Variants in SLC24A3 observed in about 807,000 individuals in gnomAD.
SLC24A3 encodes the protein sodium/potassium/calcium exchanger 3.
In SLC24A3, 28 loss-of-function variants were observed where a neutral mutation model predicts 75.8. The observed-to-expected ratio is 0.37, with a 90% CI of 0.27 to 0.51. SLC24A3 has a LOEUF of 0.51. SLC24A3 is among the 20% of genes least tolerant of loss of function. SLC24A3 has a pLI of 0.94. For missense variants in SLC24A3, 663 were observed against 847.8 expected, an observed-to-expected ratio of 0.78 and a Z score of 2.71; for synonymous variants, 372 against 334.1, an observed-to-expected ratio of 1.11 and a Z score of -1.24.
chr20:19,316,212 A>G (rs77613822), intron 2 of SLC24A3, among the ~76,000 whole-genome samples: 1 of 152,232 alleles, frequency 6.6e-6, no homozygotes, highest in African/African-American at 2.4e-5. Flanking sequence ...AAATCCCAAG[A>G]TGAACCATCA....
intron 2 of SLC24A3, among the ~76,000 whole-genome samples, chr20:19,366,553 C>G (rs1270124321): frequency 6.6e-6 from 1 of 152,156 alleles, no homozygotes; most frequent in African/African-American, 2.4e-5. Flanking sequence ...ACATGTTTTT[C>G]TGTCCCCGAA....
chr20:19,430,893 T>C (rs1987090510), intron 2 of SLC24A3, among the ~76,000 whole-genome samples: 1 of 152,100 alleles, frequency 6.6e-6, no homozygotes, highest in Non-Finnish European at 1.5e-5. Flanking sequence ...CACACCCTAC[T>C]CCATCCTGCC....
chr20:19,508,899 A>G (rs1456952347), intron 2 of SLC24A3, among the ~76,000 whole-genome samples: 1 of 152,258 alleles, frequency 6.6e-6, no homozygotes, highest in Non-Finnish European at 1.5e-5. Context: ...ACCTGCCTAG[A>G]GGCACATGCA....
chr20:19,322,852 G>A (rs568204519), intron 2 of SLC24A3, among the ~76,000 whole-genome samples: 15 of 152,182 alleles, frequency 9.9e-5, no homozygotes, highest in African/African-American at 2.2e-4. Context: ...GCAAAAAGAC[G>A]GTAGACATAA....
At chr20:19,567,985 C>CA (rs1345921701) in intron 3 of SLC24A3, among the ~76,000 whole-genome samples, 5 of 150,768 alleles carry the variant, frequency 3.3e-5, no homozygotes, top group African/African-American at 1.2e-4. Flanking sequence ...CTTGAATAGA[C>CA]TTTTCTGCAA....
At chr20:19,617,806 G>A (rs1355721266) in intron 6 of SLC24A3, among the ~76,000 whole-genome samples, 1 of 152,090 alleles carries the variant, frequency 6.6e-6, no homozygotes, top group Non-Finnish European at 1.5e-5. Context: ...AAAAAGAATA[G>A]TGGTGTCCCA....
intron 2 of SLC24A3, among the ~76,000 whole-genome samples, chr20:19,434,590 A>G (rs1987163498): frequency 6.6e-6 from 1 of 152,212 alleles, no homozygotes; most frequent in South Asian, 2.1e-4. Flanking sequence ...AAAGAAACAA[A>G]TAATACCTAC....
intron 2 of SLC24A3, among the ~76,000 whole-genome samples, chr20:19,333,050 C>T (rs1390354007): frequency 1.3e-5 from 2 of 152,142 alleles, no homozygotes; most frequent in African/African-American, 4.8e-5. Context: ...GTGGGATCAT[C>T]CTGCCAGAAA....
intron 3 of SLC24A3, among the ~76,000 whole-genome samples, chr20:19,551,411 T>A (rs1338965382): frequency 6.6e-6 from 1 of 152,126 alleles, no homozygotes; most frequent in Non-Finnish European, 1.5e-5. Context: ...GAAGCAGGTA[T>A]TAAAAAGATC....
At chr20:19,607,837 G>A (rs767626244) in intron 6 of SLC24A3, among the ~76,000 whole-genome samples, 50 of 152,190 alleles carry the variant, frequency 3.3e-4, no homozygotes, top group Non-Finnish European at 5.0e-4. Flanking sequence ...CCACTCTGAC[G>A]TTGCCTCTTG....
intron 6 of SLC24A3, among the ~76,000 whole-genome samples, chr20:19,612,607 A>ATGTGTGTGT (rs144660193): frequency 1.4e-5 from 2 of 146,832 alleles, no homozygotes; most frequent in Admixed American, 6.8e-5. Flanking sequence ...CCTTAAGAAA[A>ATGTGTGTGT]GTGTGTGTGT....
intron 3 of SLC24A3, among the ~76,000 whole-genome samples, chr20:19,534,227 GT>G (rs1220500756): frequency 1.3e-5 from 2 of 152,220 alleles, no homozygotes; most frequent in Non-Finnish European, 2.9e-5. Flanking sequence ...GCCAGCACTG[GT>G]TTTATTACAG....
intron 3 of SLC24A3, among the ~76,000 whole-genome samples, chr20:19,579,026 T>C (rs1381343164): frequency 6.6e-6 from 1 of 152,158 alleles, no homozygotes; most frequent in Admixed American, 6.5e-5. Flanking sequence ...TCCTGCTCTC[T>C]AATTGGGCCA....
At position 19,277,852 on chromosome 20, in the gene SLC24A3, T is replaced by C. The variant is rs145066030; in HGVS notation, c.143-3107T>C. 8.3e-4 allele frequency among the ~76,000 whole-genome samples: 126 copies of C among 152,348 alleles called. 3 individuals are homozygous for C. In the East Asian group the frequency reaches 0.022, roughly 27 times the overall value. On this transcript the variant is annotated intron_variant, in intron 1 of 16. Transcript: ENST00000328041. The stretch of plus-strand genomic sequence containing the variant: ...GCATATGAAGGAACTTTGGAAGTCA[T>C]TGGAAGGGATACTCCTGCTTCTTTT...
chr20:19,213,941 A>T (rs1440801843), intron 1 of SLC24A3, among the ~76,000 whole-genome samples: 1 of 152,098 alleles, frequency 6.6e-6, no homozygotes, highest in Non-Finnish European at 1.5e-5. Context: ...AGAAAGAAAC[A>T]AAACAAAACA....
intron 6 of SLC24A3, among the ~76,000 whole-genome samples, chr20:19,620,802 TTGCAGTC>T (rs1334665290): frequency 6.6e-6 from 1 of 152,150 alleles, no homozygotes; most frequent in Admixed American, 6.5e-5. Flanking sequence ...CTGGCCTCAT[TTGCAGTC>T]TGCCTTGCAA....
chr20:19,705,713 A>C (rs1177617297), intron 15 of SLC24A3, among the ~76,000 whole-genome samples: 1 of 152,066 alleles, frequency 6.6e-6, no homozygotes, highest in Non-Finnish European at 1.5e-5. Flanking sequence ...CAATTTTTTC[A>C]TCTCATCTAG....
chr20:19,626,261 C>T (rs1372724360), intron 6 of SLC24A3, among the ~76,000 whole-genome samples: 1 of 152,120 alleles, frequency 6.6e-6, no homozygotes, highest in Non-Finnish European at 1.5e-5. Context: ...TTATTACTTC[C>T]ATGTTTCAGC....
chr20:19,391,133 G>A (rs893550247), intron 2 of SLC24A3, among the ~76,000 whole-genome samples: 1 of 152,212 alleles, frequency 6.6e-6, no homozygotes. Context: ...AACCCAAGCT[G>A]TCTTGTTCTG....
Sources: gnomAD v4.1 joint callset for allele counts (sites outside exome capture counted in the v4.1 genomes callset) on GRCh38, gnomAD v4.1.1 for gene constraint, MANE v1.5 for transcripts, NCBI Gene and HGNC (gene_info 2026-07-23, HGNC 2026-07-21) for gene names.